Variants in SLC26A9 observed in about 807,000 individuals in gnomAD.
SLC26A9 encodes anion transporter/exchanger protein 9.
A neutral mutation model predicts 87.1 loss-of-function variants in SLC26A9; 46 were observed. That is an observed-to-expected ratio of 0.53 (90% CI 0.42 to 0.67). The LOEUF (loss-of-function observed/expected upper bound fraction) is 0.67. Among genes scored for constraint, SLC26A9 ranks in the 30% least tolerant of loss-of-function variants. The pLI is 0.00. For missense variants in SLC26A9, 927 were observed against 1,018.3 expected (o/e 0.91, Z 1.22); for synonymous variants, 437 against 409.1 (o/e 1.07, Z -0.82).
At chr1:205,926,217 T>C (rs1422225125) in intron 12 of SLC26A9, among the ~76,000 whole-genome samples, 1 of 152,064 alleles carries the variant, frequency 6.6e-6, no homozygotes, top group African/African-American at 2.4e-5. Context: ...AGACAACATG[T>C]TTACTTGTAT....
At chr1:205,926,029 C>G (rs527531989) in intron 12 of SLC26A9, among the ~76,000 whole-genome samples, 68 of 152,260 alleles carry the variant, frequency 4.5e-4, no homozygotes, top group African/African-American at 1.6e-3. Context: ...AGTCTCACCC[C>G]CATTTACAGA....
intron 19 of SLC26A9, among the ~76,000 whole-genome samples, chr1:205,918,469 T>G (rs1371061123): frequency 6.6e-6 from 1 of 152,124 alleles, no homozygotes; most frequent in Non-Finnish European, 1.5e-5. Context: ...AAAGCCCCCT[T>G]TAGAAAGAGA....
chr1:205,923,220 T>A (rs1346817906), intron 15 of SLC26A9, 25 bp from the exon 16 acceptor site: 1 of 1,613,096 alleles, frequency 6.2e-7, no homozygotes, highest in Non-Finnish European at 8.5e-7. Context: ...CCAACAGCAA[T>A]CTTGACCTCC....
At chr1:205,921,084 G>A (rs1658806919) in intron 17 of SLC26A9, among the ~76,000 whole-genome samples, 1 of 152,272 alleles carries the variant, frequency 6.6e-6, no homozygotes, top group African/African-American at 2.4e-5. Context: ...GGCGGTGGCT[G>A]CTGGAAAGTT....
intron 6 of SLC26A9, among the ~76,000 whole-genome samples, chr1:205,929,668 C>T (rs1659227952): frequency 1.3e-5 from 2 of 152,172 alleles, no homozygotes; most frequent in South Asian, 2.1e-4. Flanking sequence ...GAATGGGGAA[C>T]TGGCGGAGAA....
intron 18 of SLC26A9, 95 bp downstream of exon 18, chr1:205,920,081 G>T: frequency 1.4e-6 from 2 of 1,449,810 alleles, no homozygotes; most frequent in Non-Finnish European, 1.9e-6. Flanking sequence ...GGGTGCTCTC[G>T]TTTCCAACCT....
chr1:205,915,285 C>A lies in SLC26A9; in HGVS notation c.*72G>T. ...TTCCTCCGCCCGACACCCCCTGTGA[C>A]CCCAGGCTCATCCTTTATGGAAGTC... On this transcript the variant is annotated 3_prime_UTR_variant, in exon 21 of 21. Transcript: ENST00000367135. 6.2e-7 allele frequency: 1 copy of A among 1,609,858 alleles called. No homozygotes were observed. Among genetic ancestry groups the A allele is most frequent in the Non-Finnish European group, 8.5e-7 (1 of 1,177,728 alleles).
chr1:205,929,480 A>G, intron 6 of SLC26A9, 124 bp from the exon 7 acceptor site: 1 of 1,420,806 alleles, frequency 7.0e-7, no homozygotes, highest in Non-Finnish European at 9.4e-7. Context: ...AGACAGAATT[A>G]AAACCCTGAT....
rs1377157459 is a variant in SLC26A9, at chr1:205,923,471, T to G, written c.1567-44A>C. The G allele has an allele frequency of 1.9e-6, 3 of 1,613,878 alleles. No homozygotes were observed. In the African/African-American group the frequency reaches 4.0e-5, roughly 22 times the overall value. The stretch of plus-strand genomic sequence containing the variant: ...GCTCAAGTTGCAGAAATGTCTTTAT[T>G]GGCTTTAAAAAGCAACCTCTTCTTG... On this transcript the variant is annotated intron_variant, in intron 14 of 20. Coordinates refer to ENST00000367135, the MANE Select transcript of SLC26A9 (RefSeq NM_052934.4).
Position 205,921,781 on chromosome 1 carries a change from G to C in SLC26A9, c.1840C>G (p.Gln614Glu). 6.2e-7 allele frequency: 1 copy of C among 1,604,938 alleles called. No individual in the cohort carries two copies. Among genetic ancestry groups the C allele is most frequent in the African/African-American group, 1.3e-5 (1 of 74,894 alleles). ...NAPPTDPNNN[Q>E]TPANGTSVSY... Reference sequence around the variant, plus strand: ...ACGCTGGTGCCGTTAGCCGGGGTCTGGTTGTTGTTGGGGTCGGTGGGGGGC... The same window carrying C: ...ACGCTGGTGCCGTTAGCCGGGGTCTCGTTGTTGTTGGGGTCGGTGGGGGGC... Residue 614 changes from glutamine to glutamate, a missense_variant, in exon 17 of 21, where the codon CAG (glutamine) becomes GAG (glutamate). Coordinates refer to ENST00000367135, the MANE Select transcript of SLC26A9 (RefSeq NM_052934.4).
chr1:205,929,304 A>G lies in SLC26A9; in HGVS notation c.770T>C (p.Ile257Thr), dbSNP rs1659212143. ...NLPHTNIASL[I>T]FALISGAFLV... ...GAAGGCACCGCTGATGAGAGCGAAGATGAGCGAGGCGATGTTGGTGTGGGG... is the reference window on the plus strand; with the variant it reads ...GAAGGCACCGCTGATGAGAGCGAAGGTGAGCGAGGCGATGTTGGTGTGGGG... Residue 257 changes from isoleucine (I) to threonine (T), a missense_variant, in exon 7 of 21, where the codon ATC becomes ACC. Physicochemically the swap from Ile to Thr is moderately conservative, Grantham distance 89. Transcript: ENST00000367135. 1 of 1,614,122 alleles carries G rather than the reference A, an allele frequency of 6.2e-7. No homozygotes were observed. The highest frequency in any genetic ancestry group is 1.3e-5 in the African/African-American group (1 of 74,944).
At chr1:205,925,167 G>A (rs549230940) in intron 12 of SLC26A9, among the ~76,000 whole-genome samples, 38 of 152,300 alleles carry the variant, frequency 2.5e-4, no homozygotes, top group South Asian at 1.7e-3. Context: ...GGATTCAAAA[G>A]TTAAGGAATG....
chr1:205,917,928 C>T (rs1017253125), intron 19 of SLC26A9, among the ~76,000 whole-genome samples: 27 of 152,194 alleles, frequency 1.8e-4, no homozygotes, highest in Non-Finnish European at 1.9e-4. Context: ...CTTTGCTCTG[C>T]GGACAAATTC....
chr1:205,914,816 C>T lies in SLC26A9; in HGVS notation c.*541G>A. 6.5e-7 allele frequency: 1 copy of T among 1,537,774 alleles called. No individual in the cohort carries two copies. The highest frequency in any genetic ancestry group is 8.8e-7 in the Non-Finnish European group (1 of 1,135,192). On this transcript the variant is annotated 3_prime_UTR_variant, in exon 21 of 21. Coordinates refer to ENST00000367135, the MANE Select transcript of SLC26A9 (RefSeq NM_052934.4). The stretch of plus-strand genomic sequence containing the variant: ...CTCCTGGGTGTGGAGAGCACATGGT[C>T]CCTGGGTGCAGAGCTGCCAGAGACA...
intron 16 of SLC26A9, among the ~76,000 whole-genome samples, chr1:205,922,180 A>G (rs1410708580): frequency 6.6e-6 from 1 of 152,206 alleles, no homozygotes; most frequent in Non-Finnish European, 1.5e-5. Context: ...TCTGTTGCCT[A>G]GGCTGGAGTG....
rs773274241 is a variant in SLC26A9, at chr1:205,915,161, C to A, written c.*196G>T. 7 of 1,612,724 alleles carry A rather than the reference C, an allele frequency of 4.3e-6. No individual in the cohort carries two copies. The highest frequency in any genetic ancestry group is 5.9e-6 in the Non-Finnish European group (7 of 1,179,040). ...CTCTCACTCCTGTAAGGGTAGCACC[C>A]CCCTGCTGCTGAGAGGCTCTCTCTG... On this transcript the variant is annotated 3_prime_UTR_variant, in exon 21 of 21. Transcript: ENST00000367135.
At chr1:205,920,252 G>A in intron 17 of SLC26A9, 22 bp from the exon 18 acceptor site, 1 of 1,613,790 alleles carries the variant, frequency 6.2e-7, no homozygotes, top group Non-Finnish European at 8.5e-7. Flanking sequence ...GTTGGGGTAG[G>A]GAGGCAAAAG....
Position 205,921,628 on chromosome 1 carries a change from G to A in SLC26A9, c.1993C>T (p.Leu665Phe), listed in dbSNP as rs747028288. The A allele has an allele frequency of 1.2e-6, 2 of 1,611,136 alleles. No homozygotes were observed. The change falls in exon 17 of 21, where the codon CTC becomes TTC. Residue 665 changes from leucine to phenylalanine, a missense_variant. Transcript: ENST00000367135. The stretch of plus-strand genomic sequence containing the variant: ...CTGACTCCACTCATGTCCAGGATGA[G>A]GGTGTGGAAGGTGACGAAGGGTGGG... Reference protein sequence around the residue: ...SVPPFVTFHTLILDMSGVSFV... With the variant: ...SVPPFVTFHTFILDMSGVSFV...
intron 13 of SLC26A9, among the ~76,000 whole-genome samples, chr1:205,923,940 A>G (rs776862081): frequency 2.0e-5 from 3 of 152,070 alleles, no homozygotes; most frequent in Admixed American, 6.5e-5. Context: ...GATTCCCCCA[A>G]CATTCAGCGT....
Sources: allele counts gnomAD v4.1 joint callset (sites outside exome capture counted in the v4.1 genomes callset), GRCh38; gene constraint gnomAD v4.1.1; transcripts MANE v1.5; gene names NCBI Gene and HGNC (gene_info 2026-07-23, HGNC 2026-07-21).